MAPK10: variants seen among roughly 807,000 people sequenced by gnomAD.
MAPK10 encodes mitogen-activated protein kinase 10.
Under a neutral mutation model 59.3 loss-of-function variants are expected in MAPK10, and 25 were observed. The observed-to-expected ratio is 0.42, with a 90% CI of 0.31 to 0.59. The LOEUF is 0.59. MAPK10 is among the 20% of genes least tolerant of loss of function. The pLI, the probability that MAPK10 is intolerant of heterozygous loss-of-function variation, is 0.15. For missense variants in MAPK10, 351 were observed against 568.9 expected (o/e 0.62, Z 3.90); for synonymous variants, 190 against 200.5 (o/e 0.95, Z 0.44).
At chr4:86,219,063 C>T (rs773853231) in intron 2 of MAPK10, among the ~76,000 whole-genome samples, 4 of 152,324 alleles carry the variant, frequency 2.6e-5, no homozygotes, top group East Asian at 1.9e-4. Flanking sequence ...GACTTCCCCA[C>T]GTTCCTGTTT....
intron 2 of MAPK10, among the ~76,000 whole-genome samples, chr4:86,290,642 G>C (rs1408377900): frequency 1.3e-5 from 2 of 152,038 alleles, no homozygotes; most frequent in East Asian, 3.9e-4. Flanking sequence ...TTTATTTGTT[G>C]TGACTTTGTC....
intron 1 of MAPK10, among the ~76,000 whole-genome samples, chr4:86,554,391 T>G (rs1760093455): frequency 6.6e-6 from 1 of 152,154 alleles, no homozygotes; most frequent in Non-Finnish European, 1.5e-5. Flanking sequence ...ACAAGGGCAC[T>G]TGAACCTAAT....
intron 1 of MAPK10, among the ~76,000 whole-genome samples, chr4:86,371,957 A>C (rs1050756242): frequency 2.6e-5 from 4 of 152,294 alleles, no homozygotes; most frequent in Admixed American, 2.6e-4. Context: ...CCCACTGTCA[A>C]TATTAGACAG....
At chr4:86,088,678 G>A (rs1391970640) in intron 9 of MAPK10, among the ~76,000 whole-genome samples, 1 of 152,060 alleles carries the variant, frequency 6.6e-6, no homozygotes, top group Admixed American at 6.6e-5. Flanking sequence ...GAGTGAATAA[G>A]AAAAATAATT....
intron 1 of MAPK10, among the ~76,000 whole-genome samples, chr4:86,428,029 T>C (rs1002064221): frequency 3.3e-5 from 5 of 152,160 alleles, no homozygotes; most frequent in African/African-American, 4.8e-5. Context: ...TTCTGTAAAG[T>C]AGAATGAGTG....
intron 3 of MAPK10, among the ~76,000 whole-genome samples, chr4:86,180,314 T>C (rs1209002399): frequency 2.0e-5 from 3 of 151,886 alleles, no homozygotes; most frequent in Middle Eastern, 6.8e-3. Context: ...ATGACTATTA[T>C]AAAAAGGACA....
intron 1 of MAPK10, among the ~76,000 whole-genome samples, chr4:86,493,607 C>T (rs911020393): frequency 2.6e-5 from 4 of 152,114 alleles, no homozygotes; most frequent in Non-Finnish European, 4.4e-5. Flanking sequence ...GGCCTTAGCA[C>T]ATTTAGCTCA....
In MAPK10 at chr4:86,214,511, T is replaced by TAAAA. The variant is rs70948783; in HGVS notation, c.-6-20108_-6-20105dup. Among the ~76,000 whole-genome samples, 122 of 75,886 alleles carry TAAAA rather than the reference T, an allele frequency of 1.6e-3. 2 individuals are homozygous for TAAAA. Among genetic ancestry groups the TAAAA allele is most frequent in the African/African-American group, 6.1e-3 (116 of 19,124 alleles). 49.8% of individuals were successfully genotyped at this position (75,886 alleles called of 152,430 possible). ...TACATAGAAAACCCTTAAGATTCCT[T>TAAAA]AAAAAAAAAAAAAAAAAAAAAAAAC... On this transcript the variant is annotated intron_variant, in intron 2 of 13. Coordinates refer to ENST00000641462, the MANE Select transcript of MAPK10 (RefSeq NM_138982.4).
intron 2 of MAPK10, among the ~76,000 whole-genome samples, chr4:86,204,183 G>A (rs1310184030): frequency 2.0e-5 from 3 of 151,966 alleles, no homozygotes; most frequent in Non-Finnish European, 4.4e-5. Context: ...TTTAGAGCAT[G>A]CTAACTGACA....
At chr4:86,560,920 G>C (rs1484216384) in intron 1 of MAPK10, among the ~76,000 whole-genome samples, 3 of 152,252 alleles carry the variant, frequency 2.0e-5, no homozygotes, top group African/African-American at 7.2e-5. Context: ...GTCAGAAATA[G>C]AGCAAAGCAT....
intron 2 of MAPK10, among the ~76,000 whole-genome samples, chr4:86,276,555 C>G (rs2094582770): frequency 6.6e-6 from 1 of 152,152 alleles, no homozygotes; most frequent in Non-Finnish European, 1.5e-5. Flanking sequence ...TTTCTAGCTA[C>G]CTGTTTGGAC....
At chr4:86,291,991 T>C (rs886744763) in intron 2 of MAPK10, among the ~76,000 whole-genome samples, 1 of 152,186 alleles carries the variant, frequency 6.6e-6, no homozygotes, top group Non-Finnish European at 1.5e-5. Flanking sequence ...CTTTTTCTCA[T>C]ATCTTTCTGA....
At chr4:86,464,206 T>C (rs1243397479) in intron 1 of MAPK10, among the ~76,000 whole-genome samples, 1 of 152,238 alleles carries the variant, frequency 6.6e-6, no homozygotes, top group Non-Finnish European at 1.5e-5. Context: ...ACTGTTTCCA[T>C]TTTTGAAATT....
rs187740809 is a variant in MAPK10 at position 86,573,910 on chromosome 4, A to T, written c.-263+20000T>A. On this transcript the variant is annotated intron_variant, in intron 1 of 4. Coordinates refer to the MAPK10 transcript ENST00000502302. Reference sequence around the variant, plus strand: ...AGTATATAGAGAAATGCAATTTTTTAAATTATCATTATACTTTAAGTTTTA... The same window carrying T: ...AGTATATAGAGAAATGCAATTTTTTTAATTATCATTATACTTTAAGTTTTA... 2.0e-3 allele frequency among the ~76,000 whole-genome samples: 312 copies of T among 152,222 alleles called. 1 individual carries two copies. The highest frequency in any genetic ancestry group is 7.2e-3 in the African/African-American group (301 of 41,548).
intron 4 of MAPK10, among the ~76,000 whole-genome samples, chr4:86,129,244 T>A (rs2060596530): frequency 6.6e-6 from 1 of 152,196 alleles, no homozygotes; most frequent in African/African-American, 2.4e-5. Context: ...AATTAGTTTA[T>A]GGTAGAATTT....
chr4:86,585,099 G>C (rs80320648), intron 1 of MAPK10, among the ~76,000 whole-genome samples: 7,087 of 152,186 alleles, frequency 0.047, 222 homozygotes, highest in African/African-American at 0.061. Flanking sequence ...TGAAAGCCGA[G>C]TAACTGGAGT....
intron 1 of MAPK10, among the ~76,000 whole-genome samples, chr4:86,378,736 T>G (rs1740205444): frequency 6.6e-6 from 1 of 152,220 alleles, no homozygotes; most frequent in African/African-American, 2.4e-5. Flanking sequence ...TATCTGGTAC[T>G]GCTTTTGTAC....
At chr4:86,034,120 G>C (rs1694508818) in intron 11 of MAPK10, among the ~76,000 whole-genome samples, 1 of 152,200 alleles carries the variant, frequency 6.6e-6, no homozygotes, top group Non-Finnish European at 1.5e-5. Flanking sequence ...GAGTATTTTA[G>C]GAGAGTTTAG....
chr4:86,423,734 G>A lies in MAPK10; in HGVS notation c.-122+29296C>T, dbSNP rs562788753. ...CTAAGTAGCCTGGTTTCCCTGGAAT[G>A]AGGGCTGCATATAAGTAATTAGTGG... is the stretch of plus-strand genomic sequence containing the variant. On this transcript the variant is annotated intron_variant, in intron 1 of 13. Transcript: ENST00000361569. Among the ~76,000 whole-genome samples, 5 of 144,168 alleles carry A rather than the reference G, an allele frequency of 3.5e-5. No homozygotes were observed. The South Asian group carries it at 8.9e-4, about 26-fold the overall frequency. The allele number at this position is 144,168 out of a possible 152,430, so 94.6% of individuals were successfully genotyped here. A position where few individuals can be genotyped will look rare whatever the true frequency, so the allele number is the denominator to read the frequency against.
Sources: allele counts gnomAD v4.1 joint callset (sites outside exome capture counted in the v4.1 genomes callset), GRCh38; gene constraint gnomAD v4.1.1; transcripts MANE v1.5; gene names NCBI Gene and HGNC (gene_info 2026-07-23, HGNC 2026-07-21).